The following DGKI variants were observed in gnomAD, a reference collection of about 807,000 sequenced individuals.
The protein encoded by DGKI is diacylglycerol kinase iota, also known as DAG kinase iota.
Under a neutral mutation model 147.5 loss-of-function variants are expected in DGKI, and 55 were observed. The ratio of observed to expected loss-of-function variants is 0.37; its 90% CI spans 0.30 to 0.47. The LOEUF (loss-of-function observed/expected upper bound fraction) is 0.47. Ranked by LOEUF, DGKI falls within the 20% of genes least tolerant of loss-of-function variation. The pLI, the probability that DGKI is intolerant of heterozygous loss-of-function variation, is 1.00. For synonymous variants in DGKI, 469 were observed against 477.1 expected (o/e 0.98, Z 0.22); for missense variants, 1,007 against 1,323.8 (o/e 0.76, Z 3.71).
chr7:137,814,805 G>A (rs1438611711), intron 1 of DGKI, among the ~76,000 whole-genome samples: 3 of 152,070 alleles, frequency 2.0e-5, no homozygotes, highest in African/African-American at 7.2e-5. Flanking sequence ...ATATTCCAGA[G>A]GTAGACAAAC....
Position 137,656,476 on chromosome 7 carries a change from T to G in DGKI, c.671A>C (p.Gln224Pro). ...GGGGCGCGCTCTTACCTTTTCTAGCTGCTCAATGCAGGCGGTGTGGACGAC... is the reference window on the plus strand; with the variant it reads ...GGGGCGCGCTCTTACCTTTTCTAGCGGCTCAATGCAGGCGGTGTGGACGAC... ...KIVVHTACIEQLEKINFRCKP... is the reference protein window; with the variant it reads ...KIVVHTACIEPLEKINFRCKP... The change falls in exon 4 of 33, where the codon CAG (glutamine) becomes CCG (proline). Residue 224 changes from glutamine (Q) to proline (P), a missense_variant. By Grantham distance (76) the Gln-to-Pro change is moderately conservative. This residue lies in a region of DGKI where 259 missense variants were observed against 362.5 expected (regional missense o/e 0.71). Transcript: ENST00000614521. 3.1e-6 allele frequency: 5 copies of G among 1,614,166 alleles called. No homozygotes were observed. The highest frequency in any genetic ancestry group is 4.2e-6 in the Non-Finnish European group (5 of 1,180,002).
At chr7:137,672,766 C>CTTTTTTTTTT (rs60078498) in intron 3 of DGKI, among the ~76,000 whole-genome samples, 3 of 65,690 alleles carry the variant, frequency 4.6e-5, no homozygotes, top group African/African-American at 7.2e-5. Flanking sequence ...CTCTGTGTGT[C>CTTTTTTTTTT]TTTTTTTTTT....
chr7:137,702,974 T>C (rs946702800), intron 1 of DGKI, among the ~76,000 whole-genome samples: 13 of 152,170 alleles, frequency 8.5e-5, no homozygotes, highest in African/African-American at 1.2e-4. Context: ...TGTACACATA[T>C]GTTGTTTCAG....
intron 27 of DGKI, among the ~76,000 whole-genome samples, chr7:137,456,041 C>T (rs1814193687): frequency 6.6e-6 from 1 of 152,070 alleles, no homozygotes; most frequent in South Asian, 2.1e-4. Context: ...CAGCCGGGGA[C>T]CAACAGTTTA....
chr7:137,639,658 C>T (rs958186493), intron 6 of DGKI, among the ~76,000 whole-genome samples: 1 of 152,028 alleles, frequency 6.6e-6, no homozygotes, highest in African/African-American at 2.4e-5. Context: ...GACAAGTGGG[C>T]GGGAACTACT....
chr7:137,436,848 A>G (rs1338557092), intron 28 of DGKI, among the ~76,000 whole-genome samples: 1 of 152,230 alleles, frequency 6.6e-6, no homozygotes, highest in African/African-American at 2.4e-5. Context: ...ATTTCTATTT[A>G]AAAATCAATT....
At chr7:137,417,728 G>C (rs1014131726) in intron 28 of DGKI, among the ~76,000 whole-genome samples, 7 of 152,158 alleles carry the variant, frequency 4.6e-5, no homozygotes, top group African/African-American at 1.7e-4. Context: ...AGTCACGAAG[G>C]CTCCACCCTC....
chr7:137,609,672 G>T, intron 8 of DGKI, 63 bp from the exon 9 acceptor site: 2 of 1,173,282 alleles, frequency 1.7e-6, no homozygotes, highest in Non-Finnish European at 2.5e-6. Flanking sequence ...TTCCCATGCA[G>T]AACCAAGTAG....
rs935152313 is a variant in DGKI, at chr7:137,846,392, C to T, written c.401+70G>A. On this transcript the variant is annotated intron_variant, in intron 1 of 32. Transcript: ENST00000614521. The surrounding 1 kb of genome is among the most constrained non-coding windows in gnomAD (Gnocchi z 4.0). ...AGGTGCCCAACTCCGCGGAAGCGCC[C>T]CTTGCTGGGTAGAAGAGTGGGTCTC... is the stretch of plus-strand genomic sequence containing the variant. 9.2e-7 allele frequency: 1 copy of T among 1,081,866 alleles called. No individual in the cohort carries two copies. The highest frequency in any genetic ancestry group is 2.8e-5 in the Admixed American group (1 of 36,094). 67.0% of individuals were successfully genotyped at this position (1,081,866 alleles called of 1,614,324 possible). A position where few individuals can be genotyped will look rare whatever the true frequency, so the allele number is the denominator to read the frequency against.
chr7:137,723,069 A>G (rs1248787048), intron 1 of DGKI, among the ~76,000 whole-genome samples: 2 of 152,176 alleles, frequency 1.3e-5, no homozygotes, highest in African/African-American at 2.4e-5. Context: ...TGAGGATTAA[A>G]TCAGTTAGAG....
intron 19 of DGKI, among the ~76,000 whole-genome samples, chr7:137,555,618 A>G (rs1192780169): frequency 6.6e-6 from 1 of 152,168 alleles, no homozygotes; most frequent in East Asian, 1.9e-4. Context: ...AAAACAATAA[A>G]TCGAAAAACC....
At chr7:137,591,458 C>T (rs1482159648) in intron 12 of DGKI, among the ~76,000 whole-genome samples, 3 of 152,116 alleles carry the variant, frequency 2.0e-5, no homozygotes, top group Non-Finnish European at 4.4e-5. Flanking sequence ...GGGTCTATAT[C>T]GCCCCTCCAC....
chr7:137,606,412 T>C (rs571188326), intron 10 of DGKI, among the ~76,000 whole-genome samples: 1 of 152,290 alleles, frequency 6.6e-6, no homozygotes, highest in South Asian at 2.1e-4. Flanking sequence ...AAGTAAATTA[T>C]TAAAAGGCAA....
intron 28 of DGKI, among the ~76,000 whole-genome samples, chr7:137,433,392 C>A (rs551044820): frequency 6.6e-6 from 1 of 152,260 alleles, no homozygotes; most frequent in African/African-American, 2.4e-5. Flanking sequence ...CATTCACCAG[C>A]CAGTCCTTTG....
rs1424607674 is a variant in DGKI, at chr7:137,446,345, A to C, written c.2736-2243T>G. 3.2e-4 allele frequency among the ~76,000 whole-genome samples: 48 copies of C among 152,198 alleles called. 1 individual carries two copies. Among genetic ancestry groups the C allele is most frequent in the Admixed American group, 3.1e-3 (48 of 15,282 alleles). On this transcript the variant is annotated intron_variant, in intron 27 of 32. Coordinates refer to ENST00000614521, the MANE Select transcript of DGKI (RefSeq NM_001321708.2). ...TGAGTTTCCATGTTGAATGTCTCCCATATGCCTGGCTTTGTGGAATTTTAA... is the reference window on the plus strand; with the variant it reads ...TGAGTTTCCATGTTGAATGTCTCCCCTATGCCTGGCTTTGTGGAATTTTAA...
intron 1 of DGKI, among the ~76,000 whole-genome samples, chr7:137,761,139 G>A (rs1795844808): frequency 6.6e-6 from 1 of 152,040 alleles, no homozygotes. Context: ...TCTTTGTTTT[G>A]CCTTCAAGCC....
intron 1 of DGKI, among the ~76,000 whole-genome samples, chr7:137,719,143 T>A (rs1052059716): frequency 3.9e-5 from 6 of 152,138 alleles, no homozygotes; most frequent in African/African-American, 1.4e-4. Flanking sequence ...TTTCACAGTC[T>A]ACCTAGGAGT....
intron 12 of DGKI, among the ~76,000 whole-genome samples, chr7:137,590,888 G>A (rs1036601434): frequency 6.6e-6 from 1 of 152,134 alleles, no homozygotes; most frequent in South Asian, 2.1e-4. Flanking sequence ...AGATGGGGGC[G>A]GCTTTTGCCG....
intron 1 of DGKI, among the ~76,000 whole-genome samples, chr7:137,805,397 C>T (rs1398578566): frequency 1.3e-5 from 2 of 152,184 alleles, no homozygotes; most frequent in African/African-American, 4.8e-5. Flanking sequence ...GCAGGGAAGG[C>T]ATAACAAGGT....
Sources: allele counts gnomAD v4.1 joint callset (sites outside exome capture counted in the v4.1 genomes callset), GRCh38; gene constraint gnomAD v4.1.1; regional missense constraint gnomAD v4.1.1; non-coding constraint Gnocchi (gnomAD v3.1); transcripts MANE v1.5; gene names NCBI Gene and HGNC (gene_info 2026-07-23, HGNC 2026-07-21).